CEP97: variants seen among roughly 807,000 people sequenced by gnomAD.
CEP97 encodes centrosomal protein 97, also known as centrosomal protein of 97 kDa.
In CEP97, 43 loss-of-function variants were observed where a neutral mutation model predicts 73.1. The observed-to-expected ratio is 0.59, with a 90% confidence interval of 0.46 to 0.76. CEP97 has a LOEUF of 0.76. CEP97 is among the 30% of genes least tolerant of loss of function. The pLI, the probability that CEP97 is intolerant of heterozygous loss-of-function variation, is 0.00. For missense variants in CEP97, 939 were observed against 1,014.0 expected (o/e 0.93, Z 1.00); for synonymous variants, 337 against 370.0 (o/e 0.91, Z 1.02).
At chr3:101,732,026 G>A in intron 5 of CEP97, 73 bp downstream of exon 5, 1 of 873,064 alleles carries the variant, frequency 1.1e-6, no homozygotes, top group Non-Finnish European at 1.9e-6. Context: ...AGGGTTGTGA[G>A]CTTACTTTTA....
At chr3:101,747,847 G>A (rs1477547370) in intron 6 of CEP97, among the ~76,000 whole-genome samples, 3 of 151,626 alleles carry the variant, frequency 2.0e-5, no homozygotes, top group African/African-American at 7.3e-5. Flanking sequence ...TAGAGGCCAG[G>A]CATGGTGGCT....
At position 101,770,226 on chromosome 3, in the gene CEP97, T is replaced by A. The variant is rs1346379459; in HGVS notation, c.*4675T>A. 6.6e-6 allele frequency: 1 copy of A among 152,260 alleles called. No homozygotes were observed. Among genetic ancestry groups the A allele is most frequent in the Non-Finnish European group, 1.5e-5 (1 of 68,096 alleles). 9.4% of individuals were successfully genotyped at this position (152,260 alleles called of 1,614,324 possible). A position where few individuals can be genotyped will look rare whatever the true frequency, so the allele number is the denominator to read the frequency against. On this transcript the variant is annotated 3_prime_UTR_variant, in exon 11 of 11. Coordinates refer to ENST00000341893, the MANE Select transcript of CEP97 (RefSeq NM_024548.4). ...TTTTAGTAGAGATGGGGTTTCACCA[T>A]GTTGGCCAGGATGGTCTCAATCTCT...
intron 6 of CEP97, among the ~76,000 whole-genome samples, chr3:101,739,223 C>T (rs2107147839): frequency 6.6e-6 from 1 of 152,306 alleles, no homozygotes; most frequent in East Asian, 1.9e-4. Context: ...GGATTCACAG[C>T]TGAATTCTGC....
At chr3:101,732,845 C>G (rs933034176) in intron 6 of CEP97, among the ~76,000 whole-genome samples, 191 bp downstream of exon 6, 1 of 152,050 alleles carries the variant, frequency 6.6e-6, no homozygotes, top group African/African-American at 2.4e-5. Flanking sequence ...TAAATATTGG[C>G]CTGGTGCAGT....
Position 101,745,167 on chromosome 3 carries a change from A to G in CEP97, c.729-10263A>G, listed in dbSNP as rs184971645. ...GGAACTTGCACAAAGCTATAACTCT[A>G]TTGCTTAGTTAGAGATCATATGGGA... On this transcript the variant is annotated intron_variant, in intron 6 of 10. Transcript: ENST00000341893. Among the ~76,000 whole-genome samples the G allele has an allele frequency of 3.5e-4, 53 of 152,336 alleles. 1 individual carries two copies. The highest frequency in any genetic ancestry group is 1.2e-3 in the African/African-American group (51 of 41,576).
chr3:101,757,178 C>T lies in CEP97; in HGVS notation c.1009C>T (p.Gln337Ter). Residue 337 changes from glutamine to a stop codon, truncating the protein, a stop_gained, in exon 8 of 11, where the codon CAG (glutamine) becomes TAG (stop). Transcript: ENST00000341893. LOFTEE classifies it high-confidence loss of function. ...PEHSSPVQDCQISQESEPVIQ... is the reference protein window; with the variant it reads ...PEHSSPVQDC The stretch of plus-strand genomic sequence containing the variant: ...GCATTCAAGCCCTGTTCAAGATTGC[C>T]AGATATCCCAGGAAAGTGGTAAGAA... 6.2e-7 allele frequency: 1 copy of T among 1,604,404 alleles called. No homozygotes were observed. The highest frequency in any genetic ancestry group is 1.1e-5 in the South Asian group (1 of 88,336).
At chr3:101,736,314 A>C (rs1031441442) in intron 6 of CEP97, among the ~76,000 whole-genome samples, 2 of 152,160 alleles carry the variant, frequency 1.3e-5, no homozygotes, top group Non-Finnish European at 2.9e-5. Context: ...TCTGTAAGAG[A>C]GCGATGGATC....
Position 101,726,549 on chromosome 3 carries a change from G to GT in CEP97, c.44-41dup, listed in dbSNP as rs1166486318. 3.3e-6 allele frequency: 5 copies of GT among 1,503,002 alleles called. No homozygotes were observed. In the African/African-American group the frequency reaches 7.1e-5, roughly 21 times the overall value. 93.1% of individuals were successfully genotyped at this position (1,503,002 alleles called of 1,614,324 possible). ...AGCCCTATGCTTAGCTGTTGTACATGTTTTATTTTATTTGTGTTTTCTAAC... is the reference window on the plus strand; with the variant it reads ...AGCCCTATGCTTAGCTGTTGTACATGTTTTTATTTTATTTGTGTTTTCTAAC... On this transcript the variant is annotated intron_variant, in intron 1 of 10. Coordinates refer to ENST00000341893, the MANE Select transcript of CEP97 (RefSeq NM_024548.4).
chr3:101,757,702 A>G lies in CEP97; in HGVS notation c.1096A>G (p.Asn366Asp). 1.2e-6 allele frequency: 2 copies of G among 1,614,250 alleles called. No individual in the cohort carries two copies. Among genetic ancestry groups the G allele is most frequent in the Non-Finnish European group, 1.7e-6 (2 of 1,180,046 alleles). Residue 366 changes from asparagine (N) to aspartate (D), a missense_variant, in exon 9 of 11, where the codon AAT (asparagine) becomes GAT (aspartate). Physicochemically the swap from Asn to Asp is conservative, Grantham distance 23. Coordinates refer to ENST00000341893, the MANE Select transcript of CEP97 (RefSeq NM_024548.4). The stretch of plus-strand genomic sequence containing the variant: ...TGATGATCAGTTATTTGCGGTTAAG[A>G]ATAATTTTCCAGCCTCTGTACACAC... ...SNDDQLFAVK[N>D]NFPASVHTTR...
chr3:101,756,936 CATTA>C, intron 7 of CEP97, 123 bp from the exon 8 acceptor site: 1 of 782,482 alleles, frequency 1.3e-6, no homozygotes, highest in Non-Finnish European at 2.0e-6. Context: ...TATAATTTGG[CATTA>C]ATTAAAAGTA....
intron 6 of CEP97, among the ~76,000 whole-genome samples, chr3:101,739,117 C>A (rs1938367741): frequency 6.6e-6 from 1 of 152,054 alleles, no homozygotes; most frequent in Non-Finnish European, 1.5e-5. Flanking sequence ...AAGACTAAAC[C>A]AGGAAGAAGT....
At chr3:101,762,710 G>A (rs1019793562) in intron 10 of CEP97, 150 bp downstream of exon 10, 94 of 539,154 alleles carry the variant, frequency 1.7e-4, no homozygotes, top group African/African-American at 1.7e-3. Context: ...TGTGAACTAG[G>A]ACAGTGAATT....
intron 6 of CEP97, among the ~76,000 whole-genome samples, chr3:101,750,547 T>C (rs1191554625): frequency 1.3e-5 from 2 of 152,204 alleles, no homozygotes; most frequent in Non-Finnish European, 2.9e-5. Context: ...GGTCCTGGAC[T>C]CTTTTTGGTT....
rs1939410405 is a variant in CEP97 at position 101,769,615 on chromosome 3, C to T, written c.*4064C>T. ...ACAGGTGTGAGCCACTGTGCCCAGC[C>T]GAGACTTCATTGTTTAATGTATATT... On this transcript the variant is annotated 3_prime_UTR_variant, in exon 11 of 11. Transcript: ENST00000341893. The T allele has an allele frequency of 6.6e-6, 1 of 151,946 alleles. No individual in the cohort carries two copies. Among genetic ancestry groups the T allele is most frequent in the African/African-American group, 2.4e-5 (1 of 41,360 alleles). 9.4% of individuals were successfully genotyped at this position (151,946 alleles called of 1,614,324 possible). A position where few individuals can be genotyped will look rare whatever the true frequency, so the allele number is the denominator to read the frequency against.
At chr3:101,730,634 A>G (rs1938079793) in intron 4 of CEP97, among the ~76,000 whole-genome samples, 1 of 151,288 alleles carries the variant, frequency 6.6e-6, no homozygotes. Context: ...GTATTAGCTA[A>G]TTGTCAAAAT....
At position 101,769,589 on chromosome 3, in the gene CEP97, T is replaced by A. The variant is rs1377715962; in HGVS notation, c.*4038T>A. 2.0e-5 allele frequency: 3 copies of A among 152,266 alleles called. No individual in the cohort carries two copies. Among genetic ancestry groups the A allele is most frequent in the African/African-American group, 7.2e-5 (3 of 41,456 alleles). 9.4% of individuals were successfully genotyped at this position (152,266 alleles called of 1,614,324 possible). A position where few individuals can be genotyped will look rare whatever the true frequency, so the allele number is the denominator to read the frequency against. Reference sequence around the variant, plus strand: ...CCTCGGCCTCGCAAAGTGCTGAGATTACAGGTGTGAGCCACTGTGCCCAGC... The same window carrying A: ...CCTCGGCCTCGCAAAGTGCTGAGATAACAGGTGTGAGCCACTGTGCCCAGC... On this transcript the variant is annotated 3_prime_UTR_variant, in exon 11 of 11. Coordinates refer to ENST00000341893, the MANE Select transcript of CEP97 (RefSeq NM_024548.4).
chr3:101,734,250 C>A (rs1938207482), intron 6 of CEP97, among the ~76,000 whole-genome samples: 1 of 152,034 alleles, frequency 6.6e-6, no homozygotes, highest in Non-Finnish European at 1.5e-5. Flanking sequence ...GACCCTGATA[C>A]CTGATCAGTG....
rs567075896 is a variant in CEP97, at chr3:101,741,838, G to A, written c.728+9184G>A. On this transcript the variant is annotated intron_variant, in intron 6 of 10. Transcript: ENST00000341893. ...AGGTGGATCACGAGGTCAGAAGTTC[G>A]AGACCAGCCTGACCAACATGGTGAA... Among the ~76,000 whole-genome samples the A allele has an allele frequency of 8.5e-4, 129 of 152,094 alleles. 1 individual carries two copies. The Middle Eastern group carries it at 0.01, about 12-fold the overall frequency.
chr3:101,725,532 C>T (rs952486198), intron 1 of CEP97, among the ~76,000 whole-genome samples: 1 of 152,090 alleles, frequency 6.6e-6, no homozygotes. Flanking sequence ...CTCTGTCGAC[C>T]CCTTGGAATT....
Sources: gnomAD v4.1 joint callset for allele counts (sites outside exome capture counted in the v4.1 genomes callset) on GRCh38, gnomAD v4.1.1 for gene constraint, MANE v1.5 for transcripts, NCBI Gene and HGNC (gene_info 2026-07-23, HGNC 2026-07-21) for gene names.